Variants in GRAMD4 observed in about 807,000 individuals in gnomAD.
GRAMD4 encodes GRAM domain containing 4, also known as GRAM domain-containing protein 4.
GRAMD4 carries 25 observed loss-of-function variants against 83.9 expected under a neutral mutation model. That is an observed-to-expected ratio of 0.30 (90% CI 0.22 to 0.42). The LOEUF (loss-of-function observed/expected upper bound fraction) is 0.42. Among genes scored for constraint, GRAMD4 ranks in the 10% least tolerant of loss-of-function variants. The pLI is 1.00. For synonymous variants in GRAMD4, 336 were observed against 320.9 expected, an observed-to-expected ratio of 1.05 and a Z score of -0.50; for missense variants, 593 against 788.7, an observed-to-expected ratio of 0.75 and a Z score of 2.97.
At chr22:46,620,339 T>TG (rs951523146), upstream of GRAMD4, 3 of 985,402 alleles carry the variant, frequency 3.0e-6, no homozygotes, top group African/African-American at 5.2e-5. The surrounding 1 kb of genome is among the most constrained non-coding windows in gnomAD (Gnocchi z 4.7). Context: ...TGGGGGATCC[T>TG]GGGAGAACCT....
Position 46,677,248 on chromosome 22 carries a change from C to A in GRAMD4, c.1734C>A (p.Ser578Arg). The A allele has an allele frequency of 6.2e-7, 1 of 1,605,934 alleles. No homozygotes were observed. ...CAGCGGCAGCGTCTGGCGGGGACAGCTAGTATTGACTTGCCCAGGACGTTG... is the reference window on the plus strand; with the variant it reads ...CAGCGGCAGCGTCTGGCGGGGACAGATAGTATTGACTTGCCCAGGACGTTG... ...ITSAAASGGD[S>R] Residue 578 changes from serine (S) to arginine (R), a missense_variant, in exon 19 of 19, where the codon AGC (serine) becomes AGA (arginine). Ser to Arg is a moderately radical substitution (Grantham distance 110). This residue lies in a region of GRAMD4 where 74 missense variants were observed against 152.7 expected (regional missense o/e 0.48). Transcript: ENST00000406902.
chr22:46,677,512 G>A lies in GRAMD4; in HGVS notation c.*261G>A. 2 of 1,246,550 alleles carry A rather than the reference G, an allele frequency of 1.6e-6. No individual in the cohort carries two copies. Among genetic ancestry groups the A allele is most frequent in the Non-Finnish European group, 2.0e-6 (2 of 989,432 alleles). 77.2% of individuals were successfully genotyped at this position (1,246,550 alleles called of 1,614,324 possible). ...CACCCGCAGACTGGGGGAGGGGGCA[G>A]AGGCCCTCGGGGGCCCGTGGAGAAG... On this transcript the variant is annotated 3_prime_UTR_variant, in exon 19 of 19. Transcript: ENST00000406902.
chr22:46,676,767 T>G, intron 18 of GRAMD4, 99 bp downstream of exon 18: 1 of 1,119,962 alleles, frequency 8.9e-7, no homozygotes, highest in Non-Finnish European at 1.3e-6. Context: ...GCCAGAGTTT[T>G]AGTTTGGGCA....
At chr22:46,594,419 A>G (rs2081240794) in intron 1 of GRAMD4, among the ~76,000 whole-genome samples, 1 of 152,008 alleles carries the variant, frequency 6.6e-6, no homozygotes, top group Admixed American at 6.6e-5. Flanking sequence ...ATGCAAGCAC[A>G]TGGGTGTGAG....
intron 3 of GRAMD4, among the ~76,000 whole-genome samples, chr22:46,647,299 A>G (rs1184322424): frequency 6.6e-6 from 1 of 152,176 alleles, no homozygotes; most frequent in Non-Finnish European, 1.5e-5. Flanking sequence ...TTGGCCCCCA[A>G]TCCCTGTTTC....
chr22:46,679,870 G>T, downstream of GRAMD4: 14 of 823,062 alleles, frequency 1.7e-5, no homozygotes, highest in Non-Finnish European at 2.1e-5. Context: ...CAGGCCCTCA[G>T]TGCCGCTGCC....
In GRAMD4 at chr22:46,677,318, G is replaced by A. The variant is rs758683326; in HGVS notation, c.*67G>A. On this transcript the variant is annotated 3_prime_UTR_variant, in exon 19 of 19. Coordinates refer to ENST00000406902, the MANE Select transcript of GRAMD4 (RefSeq NM_015124.5). ...TTTCTTTTTCTTTTTTTTTTTTTAC[G>A]ATTTGGTAGTGGAAACAATTGGACA... is the stretch of plus-strand genomic sequence containing the variant. 6.3e-5 allele frequency: 93 copies of A among 1,468,708 alleles called. No individual in the cohort carries two copies. The highest frequency in any genetic ancestry group is 7.6e-5 in the Admixed American group (3 of 39,716). The allele number at this position is 1,468,708 out of a possible 1,614,324, so 91.0% of individuals were successfully genotyped here. A position where few individuals can be genotyped will look rare whatever the true frequency, so the allele number is the denominator to read the frequency against.
At chr22:46,588,794 G>A (rs1010871874) in intron 1 of GRAMD4, among the ~76,000 whole-genome samples, 2 of 150,088 alleles carry the variant, frequency 1.3e-5, no homozygotes, top group African/African-American at 5.0e-5. Flanking sequence ...GCGTCGGTCC[G>A]GGCTGGGCAG....
intron 3 of GRAMD4, among the ~76,000 whole-genome samples, chr22:46,648,360 GAAT>G (rs2082102175): frequency 7.1e-6 from 1 of 140,508 alleles, no homozygotes; most frequent in African/African-American, 2.9e-5. Flanking sequence ...ATGGATGGAT[GAAT>G]GGGTGAGTGG....
At chr22:46,634,612 C>T (rs758602491) in intron 2 of GRAMD4, among the ~76,000 whole-genome samples, 13 of 152,130 alleles carry the variant, frequency 8.5e-5, no homozygotes, top group East Asian at 1.9e-4. Context: ...GCAGGTAGTG[C>T]GTGGCCACAG....
chr22:46,682,146 C>T (rs542254199), downstream of GRAMD4, among the ~76,000 whole-genome samples: 1 of 152,196 alleles, frequency 6.6e-6, no homozygotes, highest in African/African-American at 2.4e-5. Context: ...CTCGGGTCCA[C>T]GTCAGCTGGA....
chr22:46,576,930 G>C (rs1225517333), upstream of GRAMD4, among the ~76,000 whole-genome samples: 33 of 145,884 alleles, frequency 2.3e-4, no homozygotes, highest in Admixed American at 2.2e-3. Flanking sequence ...CCGCGTGACC[G>C]AGCTGGCGCA....
rs1426054682 is a variant in GRAMD4, at chr22:46,655,131, A to G, written c.284-3056A>G. The stretch of plus-strand genomic sequence containing the variant: ...GCTTCCTCGGGAGCAGGGCCAGCAC[A>G]TGCAAAAGTCCTGGGGCAGGCCCGA... On this transcript the variant is annotated intron_variant, in intron 3 of 18. Coordinates refer to ENST00000406902, the MANE Select transcript of GRAMD4 (RefSeq NM_015124.5). Among the ~76,000 whole-genome samples the G allele has an allele frequency of 9.9e-5, 15 of 152,282 alleles. No individual in the cohort carries two copies. The East Asian group carries it at 2.3e-3, about 24-fold the overall frequency.
chr22:46,668,748 C>G lies in GRAMD4; in HGVS notation c.974+16C>G, dbSNP rs201957579. The G allele has an allele frequency of 3.7e-5, 35 of 933,522 alleles. No individual in the cohort carries two copies. Among genetic ancestry groups the G allele is most frequent in the African/African-American group, 8.9e-5 (5 of 55,896 alleles). The allele number at this position is 933,522 out of a possible 1,614,324, so 57.8% of individuals were successfully genotyped here. On this transcript the variant is annotated intron_variant, in intron 12 of 18. Coordinates refer to ENST00000406902, the MANE Select transcript of GRAMD4 (RefSeq NM_015124.5). ...AGATCAAGAAGTAAGTCCCGCCCCC[C>G]ACCCCGGCCCTGCGGCGCCCGCCCG...
intron 3 of GRAMD4, among the ~76,000 whole-genome samples, chr22:46,642,293 C>T (rs1286770524): frequency 1.3e-5 from 2 of 152,338 alleles, no homozygotes; most frequent in East Asian, 1.9e-4. Flanking sequence ...GACGTTGATA[C>T]ACTCCATGGG....
intron 2 of GRAMD4, among the ~76,000 whole-genome samples, chr22:46,633,043 A>C (rs1457427808): frequency 6.6e-6 from 1 of 152,152 alleles, no homozygotes; most frequent in Non-Finnish European, 1.5e-5. Context: ...CTGAGTGGGC[A>C]GAGGCAGATG....
intron 2 of GRAMD4, among the ~76,000 whole-genome samples, chr22:46,635,945 GT>G (rs1385178338): frequency 1.3e-5 from 2 of 152,204 alleles, no homozygotes; most frequent in Non-Finnish European, 2.9e-5. Flanking sequence ...GCTTTGCAGT[GT>G]GCCTCCTCCT....
At chr22:46,584,387 C>T (rs1023301150) in intron 1 of GRAMD4, among the ~76,000 whole-genome samples, 3 of 152,250 alleles carry the variant, frequency 2.0e-5, no homozygotes, top group Admixed American at 1.3e-4. Flanking sequence ...TGCCTGTGTC[C>T]GCGTGTAGCC....
intron 1 of GRAMD4, among the ~76,000 whole-genome samples, chr22:46,589,270 C>T (rs901836572): frequency 2.4e-5 from 3 of 127,654 alleles, no homozygotes; most frequent in African/African-American, 6.1e-5. Flanking sequence ...GGTTTGGGGG[C>T]GGCTCTGATA....
Sources: gnomAD v4.1 joint callset for allele counts (sites outside exome capture counted in the v4.1 genomes callset) on GRCh38, gnomAD v4.1.1 for gene constraint, gnomAD v4.1.1 regional missense constraint, Gnocchi (gnomAD v3.1) non-coding constraint, MANE v1.5 for transcripts, NCBI Gene and HGNC (gene_info 2026-07-23, HGNC 2026-07-21) for gene names.